Variants in CHST11 observed in about 807,000 individuals in gnomAD.
The protein encoded by CHST11 is C4S-1.
CHST11 carries 9 observed loss-of-function variants against 30.4 expected under a neutral mutation model. The observed-to-expected ratio is 0.30, with a 90% CI of 0.18 to 0.52. The LOEUF is 0.52. Among genes scored for constraint, CHST11 ranks in the 20% least tolerant of loss-of-function variants. The probability of loss-of-function intolerance (pLI) is 0.97; values close to 1 mark genes in which losing one functional copy is unlikely to be tolerated. For synonymous variants in CHST11, 152 were observed against 187.8 expected, an observed-to-expected ratio of 0.81 and a Z score of 1.56; for missense variants, 348 against 460.6, an observed-to-expected ratio of 0.76 and a Z score of 2.24.
intron 2 of CHST11, among the ~76,000 whole-genome samples, chr12:104,703,960 C>T (rs1387966568): frequency 6.6e-6 from 1 of 152,198 alleles, no homozygotes; most frequent in East Asian, 1.9e-4. Context: ...CTGGTAGTTA[C>T]GACCGGGTTC....
At chr12:104,460,189 T>C (rs967124679) in intron 1 of CHST11, among the ~76,000 whole-genome samples, 2 of 152,172 alleles carry the variant, frequency 1.3e-5, no homozygotes, top group Non-Finnish European at 2.9e-5. Context: ...TTTCTGTCTC[T>C]CCAGATCACC....
At chr12:104,719,728 C>T (rs1029751420) in intron 2 of CHST11, among the ~76,000 whole-genome samples, 6 of 152,202 alleles carry the variant, frequency 3.9e-5, no homozygotes, top group Non-Finnish European at 8.8e-5. Flanking sequence ...GGAGTTGGGG[C>T]ATGGCCAGCC....
intron 1 of CHST11, among the ~76,000 whole-genome samples, chr12:104,505,164 G>GT (rs1358671499): frequency 6.6e-6 from 1 of 152,186 alleles, no homozygotes; most frequent in South Asian, 2.1e-4. Context: ...GAACAGCGCT[G>GT]TTATAGACAC....
chr12:104,587,826 A>G (rs2038819788), intron 1 of CHST11, among the ~76,000 whole-genome samples: 1 of 99,256 alleles, frequency 1.0e-5, no homozygotes, highest in Non-Finnish European at 1.9e-5. Context: ...TTAGAGATTA[A>G]GTTTGTTTTT....
chr12:104,721,748 CT>C lies in CHST11; in HGVS notation c.205-35200del, dbSNP rs1351981661. Among the ~76,000 whole-genome samples, 6 of 152,302 alleles carry C rather than the reference CT, an allele frequency of 3.9e-5. No individual in the cohort carries two copies. The South Asian group carries it at 1.2e-3, about 32-fold the overall frequency. On this transcript the variant is annotated intron_variant, in intron 2 of 2. Transcript: ENST00000303694. ...ATAGATCGTTTCACTGAAAGAACCA[CT>C]ATAAATACTCCATGATAAGTCAGAT...
intron 2 of CHST11, among the ~76,000 whole-genome samples, chr12:104,742,717 A>G (rs1482950565): frequency 6.6e-6 from 1 of 152,152 alleles, no homozygotes; most frequent in Non-Finnish European, 1.5e-5. Context: ...GCTGAAAGGG[A>G]GCCCCGGGGG....
intron 1 of CHST11, among the ~76,000 whole-genome samples, chr12:104,560,201 G>A (rs2038499851): frequency 1.3e-5 from 2 of 152,184 alleles, no homozygotes. Flanking sequence ...GTGTTTGATT[G>A]ATTATAATCC....
At chr12:104,716,716 G>A (rs189486510) in intron 2 of CHST11, among the ~76,000 whole-genome samples, 1 of 152,346 alleles carries the variant, frequency 6.6e-6, no homozygotes, top group African/African-American at 2.4e-5. Flanking sequence ...GGCAGGGTCT[G>A]TGAATGCTGC....
intron 2 of CHST11, among the ~76,000 whole-genome samples, chr12:104,629,429 T>A (rs1365287770): frequency 6.6e-6 from 1 of 152,252 alleles, no homozygotes; most frequent in Non-Finnish European, 1.5e-5. Context: ...ACAGTCTCTC[T>A]GAGTTCAGAG....
At chr12:104,647,839 C>T (rs1432086768) in intron 2 of CHST11, among the ~76,000 whole-genome samples, 1 of 152,170 alleles carries the variant, frequency 6.6e-6, no homozygotes, top group African/African-American at 2.4e-5. Flanking sequence ...CATCTGAAGA[C>T]TGGATTGGAG....
intron 1 of CHST11, among the ~76,000 whole-genome samples, chr12:104,590,180 G>A (rs111377776): frequency 0.01 from 1,596 of 152,182 alleles, 28 homozygotes; most frequent in African/African-American, 0.036. Context: ...TGGCCTGCAC[G>A]TGCGCTGTCT....
chr12:104,664,224 G>A (rs2039622633), intron 2 of CHST11, among the ~76,000 whole-genome samples: 1 of 152,174 alleles, frequency 6.6e-6, no homozygotes, highest in African/African-American at 2.4e-5. Flanking sequence ...TTAGAGCTGA[G>A]GGTGAAGCGG....
intron 1 of CHST11, among the ~76,000 whole-genome samples, chr12:104,539,359 C>T (rs555082898): frequency 1.7e-4 from 26 of 152,316 alleles, no homozygotes; most frequent in Admixed American, 4.6e-4. Flanking sequence ...ATGCACCACA[C>T]CTAGTAGTTA....
rs1340687722 is a variant in CHST11, at chr12:104,572,334, CG to C, written c.119-29571del. Among the ~76,000 whole-genome samples, 5 of 146,614 alleles carry C rather than the reference CG, an allele frequency of 3.4e-5. No homozygotes were observed. In the East Asian group the frequency reaches 9.8e-4, roughly 29 times the overall value. On this transcript the variant is annotated intron_variant, in intron 1 of 2. Coordinates refer to ENST00000303694, the MANE Select transcript of CHST11 (RefSeq NM_018413.6). ...CTCTGGTAGAATTCGGCTGTGAATCCGTCTGGTCCTGGACTTTTTTTGGTTG... is the reference window on the plus strand; with the variant it reads ...CTCTGGTAGAATTCGGCTGTGAATCCTCTGGTCCTGGACTTTTTTTGGTTG...
chr12:104,615,487 G>A (rs1355492796), intron 2 of CHST11, among the ~76,000 whole-genome samples: 2 of 152,206 alleles, frequency 1.3e-5, no homozygotes, highest in Admixed American at 6.5e-5. Context: ...GAATGTCTGA[G>A]GCCACACAGC....
chr12:104,731,081 C>G (rs2040253355), intron 2 of CHST11, among the ~76,000 whole-genome samples: 1 of 152,226 alleles, frequency 6.6e-6, no homozygotes, highest in Non-Finnish European at 1.5e-5. Context: ...TGGCTGCCAG[C>G]TCCATTTCAT....
chr12:104,480,437 G>T (rs554666006), intron 1 of CHST11, among the ~76,000 whole-genome samples: 8 of 152,048 alleles, frequency 5.3e-5, no homozygotes, highest in Admixed American at 2.0e-4. Flanking sequence ...AATTAGCTGG[G>T]CATGGTGGCG....
chr12:104,644,936 T>C (rs1566020775), intron 2 of CHST11, among the ~76,000 whole-genome samples: 1 of 152,182 alleles, frequency 6.6e-6, no homozygotes, highest in Non-Finnish European at 1.5e-5. Flanking sequence ...GCAGCGAGCC[T>C]TCTTCCACTT....
At chr12:104,537,848 A>T (rs1202620207) in intron 1 of CHST11, among the ~76,000 whole-genome samples, 1 of 151,972 alleles carries the variant, frequency 6.6e-6, no homozygotes, top group Non-Finnish European at 1.5e-5. Context: ...GGTGCGTACC[A>T]CCATGCCCGG....
Sources: gnomAD v4.1 joint callset for allele counts (sites outside exome capture counted in the v4.1 genomes callset) on GRCh38, gnomAD v4.1.1 for gene constraint, MANE v1.5 for transcripts, NCBI Gene and HGNC (gene_info 2026-07-23, HGNC 2026-07-21) for gene names.